Variants in CNTN3 observed in about 807,000 individuals in gnomAD.
CNTN3 encodes contactin-3.
Under a neutral mutation model 119.1 loss-of-function variants are expected in CNTN3, and 60 were observed. That is an observed-to-expected ratio of 0.50 (90% CI 0.41 to 0.62). CNTN3 has a LOEUF of 0.62. CNTN3 is among the 20% of genes least tolerant of loss of function. The pLI is 0.00. For synonymous variants in CNTN3, 450 were observed against 438.7 expected, an observed-to-expected ratio of 1.03 and a Z score of -0.32; for missense variants, 1,101 against 1,242.4, an observed-to-expected ratio of 0.89 and a Z score of 1.71.
At chr3:74,558,375 A>C (rs573082183) in intron 1 of CNTN3, among the ~76,000 whole-genome samples, 7 of 152,330 alleles carry the variant, frequency 4.6e-5, no homozygotes, top group African/African-American at 1.7e-4. Context: ...AATGCAATCT[A>C]AGAAACTTAT....
intron 4 of CNTN3, among the ~76,000 whole-genome samples, chr3:74,470,803 T>C (rs1033758443): frequency 1.3e-5 from 2 of 152,174 alleles, no homozygotes; most frequent in African/African-American, 4.8e-5. Context: ...CCAATGTTGC[T>C]GTGAACTGCA....
chr3:74,519,605 G>A (rs1364763076), intron 2 of CNTN3, among the ~76,000 whole-genome samples: 2 of 151,618 alleles, frequency 1.3e-5, no homozygotes, highest in African/African-American at 4.8e-5. Flanking sequence ...ATCATAAACA[G>A]TAATACTGCT....
chr3:74,594,046 AT>A (rs1704747958), intron 1 of CNTN3, among the ~76,000 whole-genome samples: 7 of 151,742 alleles, frequency 4.6e-5, no homozygotes, highest in Admixed American at 3.3e-4. Flanking sequence ...CAAACAAAAC[AT>A]TTTATTCTCC....
intron 13 of CNTN3, among the ~76,000 whole-genome samples, chr3:74,319,361 G>A (rs1003889888): frequency 3.4e-4 from 52 of 152,088 alleles, no homozygotes; most frequent in African/African-American, 9.2e-4. Flanking sequence ...AAATAATGCC[G>A]CATATCTACA....
chr3:74,514,055 T>C (rs1293618961), intron 2 of CNTN3, among the ~76,000 whole-genome samples: 1 of 152,002 alleles, frequency 6.6e-6, no homozygotes, highest in African/African-American at 2.4e-5. Context: ...AAAATCAGTG[T>C]TTAATATTTA....
chr3:74,349,199 G>C (rs1452166733), intron 11 of CNTN3, among the ~76,000 whole-genome samples: 1 of 152,112 alleles, frequency 6.6e-6, no homozygotes, highest in Non-Finnish European at 1.5e-5. Context: ...GAACAAACAT[G>C]TACAGAGCAG....
chr3:74,552,461 T>A (rs1704005990), intron 1 of CNTN3, among the ~76,000 whole-genome samples: 1 of 152,222 alleles, frequency 6.6e-6, no homozygotes, highest in Admixed American at 6.5e-5. Flanking sequence ...CACCAGCATC[T>A]GTGTGACCTG....
At position 74,334,757 on chromosome 3, in the gene CNTN3, G is replaced by A. The variant is rs778384149; in HGVS notation, c.1646C>T (p.Ser549Phe). ...GALADFKKDGSHFEKVGGSSS... is the reference protein window; with the variant it reads ...GALADFKKDGFHFEKVGGSSS... ...TACCCCACCAACTTTCTCAAAGTGA[G>A]ATCCATCTTTCTTAAAATCTGCAAG... The change falls in exon 13 of 23, where the codon TCT (serine) becomes TTT (phenylalanine). Residue 549 changes from serine (S) to phenylalanine (F), a missense_variant. Ser to Phe is a radical substitution (Grantham distance 155). Coordinates refer to ENST00000263665, the MANE Select transcript of CNTN3 (RefSeq NM_020872.3). 5 of 1,613,188 alleles carry A rather than the reference G, an allele frequency of 3.1e-6. No homozygotes were observed. Among genetic ancestry groups the A allele is most frequent in the Non-Finnish European group, 4.2e-6 (5 of 1,179,536 alleles).
intron 4 of CNTN3, among the ~76,000 whole-genome samples, chr3:74,444,978 C>T (rs1702025496): frequency 6.6e-6 from 1 of 152,132 alleles, no homozygotes; most frequent in Admixed American, 6.5e-5. Flanking sequence ...GGTAAAAATT[C>T]CTAGACTTGA....
At chr3:74,351,082 A>G (rs1703801649) in intron 11 of CNTN3, among the ~76,000 whole-genome samples, 1 of 152,190 alleles carries the variant, frequency 6.6e-6, no homozygotes, top group Non-Finnish European at 1.5e-5. Flanking sequence ...TGAACCTACA[A>G]TTAAGTAAGT....
intron 19 of CNTN3, among the ~76,000 whole-genome samples, chr3:74,294,382 C>A (rs1702293640): frequency 6.6e-6 from 1 of 152,162 alleles, no homozygotes; most frequent in South Asian, 2.1e-4. Flanking sequence ...TCCTCCCATG[C>A]CTATTTGAAG....
intron 1 of CNTN3, among the ~76,000 whole-genome samples, chr3:74,585,876 A>G (rs950778649): frequency 1.3e-5 from 2 of 152,294 alleles, no homozygotes; most frequent in African/African-American, 2.4e-5. Context: ...TACTGTCAAA[A>G]TGAGCTACAG....
intron 1 of CNTN3, among the ~76,000 whole-genome samples, chr3:74,539,849 G>A (rs1215135305): frequency 1.3e-5 from 2 of 152,092 alleles, no homozygotes; most frequent in Non-Finnish European, 2.9e-5. Context: ...AAACGTACAG[G>A]CTTTATTTCC....
rs1702841366 is a variant in CNTN3, at chr3:74,316,814, G to T, written c.1669-14007C>A. 2.0e-5 allele frequency among the ~76,000 whole-genome samples: 3 copies of T among 151,856 alleles called. No individual in the cohort carries two copies. The South Asian group carries it at 6.2e-4, about 32-fold the overall frequency. On this transcript the variant is annotated intron_variant, in intron 13 of 22. Coordinates refer to ENST00000263665, the MANE Select transcript of CNTN3 (RefSeq NM_020872.3). ...GTGGTGGCGGGTGCCTGTAGTCCCAGCTACTCGGGAGGCTGAGGCAGGAGA... is the reference window on the plus strand; with the variant it reads ...GTGGTGGCGGGTGCCTGTAGTCCCATCTACTCGGGAGGCTGAGGCAGGAGA...
At chr3:74,504,371 G>A (rs1488272894) in intron 2 of CNTN3, among the ~76,000 whole-genome samples, 1 of 151,910 alleles carries the variant, frequency 6.6e-6, no homozygotes, top group Non-Finnish European at 1.5e-5. Context: ...CTCTAGCCTG[G>A]GTCAAAGAAA....
At chr3:74,339,560 G>T (rs901413390) in intron 11 of CNTN3, among the ~76,000 whole-genome samples, 1 of 151,924 alleles carries the variant, frequency 6.6e-6, no homozygotes. Flanking sequence ...AGCACCCATC[G>T]AGTGTCCAAT....
chr3:74,439,736 T>C (rs909010959), intron 4 of CNTN3, among the ~76,000 whole-genome samples: 1 of 152,192 alleles, frequency 6.6e-6, no homozygotes, highest in African/African-American at 2.4e-5. Context: ...CCTGATTCCT[T>C]TTCAGTCCAT....
At chr3:74,335,630 C>T (rs1229487421) in intron 12 of CNTN3, among the ~76,000 whole-genome samples, 1 of 152,092 alleles carries the variant, frequency 6.6e-6, no homozygotes, top group African/African-American at 2.4e-5. Context: ...CTCAGTCTAG[C>T]CAGATTTTGG....
intron 1 of CNTN3, among the ~76,000 whole-genome samples, chr3:74,523,081 G>A (rs1226523290): frequency 6.6e-6 from 1 of 151,658 alleles, no homozygotes; most frequent in Non-Finnish European, 1.5e-5. Context: ...CAGGTATCTT[G>A]CCTTCCTTTC....
Sources: allele counts gnomAD v4.1 joint callset (sites outside exome capture counted in the v4.1 genomes callset), GRCh38; gene constraint gnomAD v4.1.1; transcripts MANE v1.5; gene names NCBI Gene and HGNC (gene_info 2026-07-23, HGNC 2026-07-21).